MAP3K3: variants seen among roughly 807,000 people sequenced by gnomAD.
MAP3K3 encodes MAP/ERK kinase kinase 3.
Under a neutral mutation model 80.9 loss-of-function variants are expected in MAP3K3, and 12 were observed. The ratio of observed to expected loss-of-function variants is 0.15; its 90% CI spans 0.10 to 0.24. MAP3K3 has a LOEUF of 0.24. MAP3K3 is among the 10% of genes least tolerant of loss of function. The probability of loss-of-function intolerance (pLI) is 1.00; values close to 1 mark genes in which losing one functional copy is unlikely to be tolerated. For synonymous variants in MAP3K3, 272 were observed against 307.1 expected (o/e 0.89, Z 1.19); for missense variants, 596 against 834.7 (o/e 0.71, Z 3.52).
chr17:63,693,942 G>T lies in MAP3K3; in HGVS notation c.*165G>T. 1.7e-6 allele frequency: 1 copy of T among 587,268 alleles called. No homozygotes were observed. Among genetic ancestry groups the T allele is most frequent in the Admixed American group, 3.6e-5 (1 of 28,094 alleles). 36.4% of individuals were successfully genotyped at this position (587,268 alleles called of 1,614,324 possible). On this transcript the variant is annotated 3_prime_UTR_variant, in exon 16 of 16. Coordinates refer to ENST00000361733, the MANE Select transcript of MAP3K3 (RefSeq NM_002401.5). The surrounding 1 kb of genome is among the most constrained non-coding windows in gnomAD (Gnocchi z 4.2). ...TTCCGCCACTGGGGCTCAGAGCCGG[G>T]GTGGGGTGGCTGCAGCCTCAGGACT...
intron 5 of MAP3K3, among the ~76,000 whole-genome samples, chr17:63,662,930 C>T (rs933707383): frequency 2.4e-4 from 37 of 151,870 alleles, no homozygotes; most frequent in Non-Finnish European, 4.0e-4. Context: ...CCGCCTTGGC[C>T]TCCCAAAGTG....
intron 2 of MAP3K3, chr17:63,636,956 G>A (rs2034339340): frequency 1.7e-6 from 1 of 596,724 alleles, no homozygotes; most frequent in East Asian, 4.4e-5. Context: ...GTCTAGGGGG[G>A]CCTCCAAGCT....
chr17:63,645,363 A>C (rs925724772), intron 2 of MAP3K3, among the ~76,000 whole-genome samples: 2 of 152,280 alleles, frequency 1.3e-5, no homozygotes, highest in East Asian at 3.9e-4. Context: ...CAGGCTACTC[A>C]TGATGGTCAT....
chr17:63,671,103 G>A (rs1598101765), intron 6 of MAP3K3, among the ~76,000 whole-genome samples: 1 of 152,260 alleles, frequency 6.6e-6, no homozygotes, highest in South Asian at 2.1e-4. Flanking sequence ...TGGGCTTGGA[G>A]TAGGCTGATG....
intron 2 of MAP3K3, among the ~76,000 whole-genome samples, chr17:63,633,807 A>G (rs2034265174): frequency 6.6e-6 from 1 of 152,130 alleles, no homozygotes; most frequent in South Asian, 2.1e-4. Flanking sequence ...GTTTGATGAA[A>G]ATTTGTGTAT....
intron 6 of MAP3K3, among the ~76,000 whole-genome samples, chr17:63,670,367 G>A (rs2035079920): frequency 6.6e-6 from 1 of 152,004 alleles, no homozygotes; most frequent in Non-Finnish European, 1.5e-5. Context: ...TGGATTGCTT[G>A]AGGCCAGGAG....
intron 2 of MAP3K3, among the ~76,000 whole-genome samples, chr17:63,645,123 ATAT>A (rs2034516494): frequency 6.6e-6 from 1 of 152,194 alleles, no homozygotes; most frequent in South Asian, 2.1e-4. Flanking sequence ...CACTTAACAA[ATAT>A]TATTAAGCAC....
chr17:63,638,310 G>T (rs2034373039), intron 2 of MAP3K3, among the ~76,000 whole-genome samples: 1 of 152,144 alleles, frequency 6.6e-6, no homozygotes, highest in African/African-American at 2.4e-5. Flanking sequence ...TCAAAGGTAT[G>T]TAGCAAATGC....
intron 2 of MAP3K3, among the ~76,000 whole-genome samples, chr17:63,644,176 G>T (rs1598074126): frequency 6.6e-6 from 1 of 152,218 alleles, no homozygotes; most frequent in East Asian, 1.9e-4. Context: ...AATGGATAAA[G>T]TGGTCCATGT....
chr17:63,694,933 G>A lies in MAP3K3; in HGVS notation c.*1156G>A, dbSNP rs2035662281. 1 of 153,550 alleles carries A rather than the reference G, an allele frequency of 6.5e-6. No homozygotes were observed. Among genetic ancestry groups the A allele is most frequent in the African/African-American group, 2.4e-5 (1 of 41,462 alleles). 9.5% of individuals were successfully genotyped at this position (153,550 alleles called of 1,614,324 possible). ...CCCCTGGAGGGGGAATGGCAGCAGG[G>A]GTTGGGGAAACAGCATCTCCAAGCA... On this transcript the variant is annotated 3_prime_UTR_variant, in exon 16 of 16. Transcript: ENST00000361733.
At chr17:63,683,409 G>T (rs1233953011) in intron 7 of MAP3K3, among the ~76,000 whole-genome samples, 7 of 152,150 alleles carry the variant, frequency 4.6e-5, no homozygotes, top group Admixed American at 4.6e-4. Flanking sequence ...GGGTGACTTG[G>T]GTGTAAAATC....
chr17:63,648,757 G>A (rs966173820), intron 3 of MAP3K3, among the ~76,000 whole-genome samples: 58 of 152,176 alleles, frequency 3.8e-4, no homozygotes, highest in African/African-American at 1.1e-3. Context: ...GGAAGTTGCA[G>A]TGAGCCGAGT....
intron 3 of MAP3K3, among the ~76,000 whole-genome samples, chr17:63,648,325 A>G (rs1339716992): frequency 6.6e-6 from 1 of 152,162 alleles, no homozygotes; most frequent in Non-Finnish European, 1.5e-5. Flanking sequence ...ATCTGAGTGG[A>G]CTTCTGGTAT....
In MAP3K3 at chr17:63,681,910, G is replaced by T. The variant is rs202150596; in HGVS notation, c.636+11G>T. The T allele has an allele frequency of 1.4e-5, 19 of 1,397,780 alleles. No individual in the cohort carries two copies. Among genetic ancestry groups the T allele is most frequent in the Admixed American group, 2.6e-5 (1 of 38,654 alleles). 86.6% of individuals were successfully genotyped at this position (1,397,780 alleles called of 1,614,324 possible). ...ACCAGCGAGCAGTGCGTGAGTATAG[G>T]GGGGCTGGGATATGCCTGTGGCCTG... On this transcript the variant is annotated intron_variant, in intron 7 of 15. Transcript: ENST00000361733.
rs781107315 is a variant in MAP3K3, at chr17:63,693,004, A to G, written c.1653-545A>G. On this transcript the variant is annotated intron_variant, in intron 15 of 15. Coordinates refer to ENST00000361733, the MANE Select transcript of MAP3K3 (RefSeq NM_002401.5). The surrounding 1 kb of genome is among the most constrained non-coding windows in gnomAD (Gnocchi z 4.2). Reference sequence around the variant, plus strand: ...AGGGTCCTTACAGAAGGGTCTCAAGAGGTCAGAGTGGCTAATAGGAGGTGA... The same window carrying G: ...AGGGTCCTTACAGAAGGGTCTCAAGGGGTCAGAGTGGCTAATAGGAGGTGA... Among the ~76,000 whole-genome samples, 6 of 152,196 alleles carry G rather than the reference A, an allele frequency of 3.9e-5. No individual in the cohort carries two copies. Among genetic ancestry groups the G allele is most frequent in the Non-Finnish European group, 7.3e-5 (5 of 68,036 alleles).
Position 63,671,590 on chromosome 17 carries a change from A to G in MAP3K3, c.502+4530A>G, listed in dbSNP as rs560809736. ...TTTCATAATCATGCTAAGACATGAC[A>G]CTCAATTCTCTCACAAGGGTACAAT... On this transcript the variant is annotated intron_variant, in intron 6 of 15. Coordinates refer to ENST00000361733, the MANE Select transcript of MAP3K3 (RefSeq NM_002401.5). Among the ~76,000 whole-genome samples, 5 of 152,124 alleles carry G rather than the reference A, an allele frequency of 3.3e-5. No individual in the cohort carries two copies. In the South Asian group the frequency reaches 8.3e-4, roughly 25 times the overall value.
chr17:63,692,004 T>G lies in MAP3K3; in HGVS notation c.1474+142T>G, dbSNP rs2035602338. 9.7e-7 allele frequency: 1 copy of G among 1,030,304 alleles called. No individual in the cohort carries two copies. The highest frequency in any genetic ancestry group is 2.4e-5 in the Admixed American group (1 of 41,106). 63.8% of individuals were successfully genotyped at this position (1,030,304 alleles called of 1,614,324 possible). A position where few individuals can be genotyped will look rare whatever the true frequency, so the allele number is the denominator to read the frequency against. ...TGTTTCCCTGAGGAACTGGTGAGAT[T>G]GGTTGAGCAATATGAGAGAATATTG... is the stretch of plus-strand genomic sequence containing the variant. On this transcript the variant is annotated intron_variant, in intron 14 of 15. Transcript: ENST00000361733. This position sits in a 1 kb window ranked among gnomAD's most constrained non-coding sequence, Gnocchi z 4.5.
intron 6 of MAP3K3, among the ~76,000 whole-genome samples, chr17:63,674,524 T>C (rs1028975087): frequency 6.6e-6 from 1 of 152,022 alleles, no homozygotes; most frequent in African/African-American, 2.4e-5. Flanking sequence ...GGCTAATTTG[T>C]TTTTTGTAGA....
chr17:63,676,471 G>A (rs1016552743), intron 6 of MAP3K3, among the ~76,000 whole-genome samples: 2 of 152,236 alleles, frequency 1.3e-5, no homozygotes, highest in Admixed American at 6.5e-5. Flanking sequence ...AGTGTCTGAG[G>A]TTTCATAAAT....
Sources: gnomAD v4.1 joint callset for allele counts (sites outside exome capture counted in the v4.1 genomes callset) on GRCh38, gnomAD v4.1.1 for gene constraint, Gnocchi (gnomAD v3.1) non-coding constraint, MANE v1.5 for transcripts, NCBI Gene and HGNC (gene_info 2026-07-23, HGNC 2026-07-21) for gene names.